OSBPL1A: variants seen among roughly 807,000 people sequenced by gnomAD.
OSBPL1A encodes oxysterol-binding protein-related protein 1.
OSBPL1A carries 80 observed loss-of-function variants against 137.1 expected under a neutral mutation model. The ratio of observed to expected loss-of-function variants is 0.58; its 90% CI spans 0.49 to 0.70. OSBPL1A has a LOEUF of 0.70. OSBPL1A is among the 30% of genes least tolerant of loss of function. The pLI is 0.00. For missense variants in OSBPL1A, 970 were observed against 1,129.4 expected, an observed-to-expected ratio of 0.86 and a Z score of 2.02; for synonymous variants, 365 against 389.7, an observed-to-expected ratio of 0.94 and a Z score of 0.75.
At chr18:24,188,710 C>T (rs1055079314) in intron 18 of OSBPL1A, among the ~76,000 whole-genome samples, 8 of 152,258 alleles carry the variant, frequency 5.3e-5, no homozygotes, top group Non-Finnish European at 1.2e-4. Context: ...AACTTACTTG[C>T]AATTGTATTG....
chr18:24,291,018 C>A (rs935072700), intron 14 of OSBPL1A, among the ~76,000 whole-genome samples: 2 of 152,114 alleles, frequency 1.3e-5, no homozygotes, highest in Admixed American at 6.5e-5. Context: ...AACAGCGACA[C>A]ACACAAAACT....
At position 24,167,362 on chromosome 18, in the gene OSBPL1A, C is replaced by T; in HGVS notation, c.2502G>A (p.Trp834Ter). 6.2e-7 allele frequency: 1 copy of T among 1,614,194 alleles called. No homozygotes were observed. Among genetic ancestry groups the T allele is most frequent in the Non-Finnish European group, 8.5e-7 (1 of 1,180,036 alleles). Reference sequence around the variant, plus strand: ...AATTTGGAGGCCGTGGGGCTATTCGCCATAGAAGAACGCTTCCAGGGATAA... The same window carrying T: ...AATTTGGAGGCCGTGGGGCTATTCGTCATAGAAGAACGCTTCCAGGGATAA... ...VFIIPGSVLL[W>*]RIAPRPPNSA... The change falls in exon 25 of 28, where the codon TGG becomes TGA. Residue 834 changes from tryptophan (W) to a stop codon, truncating the protein, a stop_gained. Coordinates refer to ENST00000319481, the MANE Select transcript of OSBPL1A (RefSeq NM_080597.4). LOFTEE classifies it high-confidence loss of function.
At chr18:24,392,179 T>C (rs1238074000) in intron 1 of OSBPL1A, among the ~76,000 whole-genome samples, 1 of 151,596 alleles carries the variant, frequency 6.6e-6, no homozygotes, top group Non-Finnish European at 1.5e-5. Flanking sequence ...TTTTTATTTT[T>C]GAGATGGAGT....
intron 4 of OSBPL1A, chr18:24,357,937 G>T (rs1269667780): frequency 3.2e-5 from 5 of 154,884 alleles, no homozygotes; most frequent in African/African-American, 1.2e-4. Flanking sequence ...CACACCTAAA[G>T]ATAATGCTCT....
chr18:24,275,864 A>T (rs2089834690), intron 15 of OSBPL1A, among the ~76,000 whole-genome samples: 1 of 151,910 alleles, frequency 6.6e-6, no homozygotes, highest in East Asian at 1.9e-4. Context: ...AGTAGCTGGG[A>T]TTACAAGTGC....
At chr18:24,307,054 C>T (rs533392031) in intron 13 of OSBPL1A, among the ~76,000 whole-genome samples, 4 of 149,036 alleles carry the variant, frequency 2.7e-5, no homozygotes, top group South Asian at 4.3e-4. Flanking sequence ...CCCAGCATTT[C>T]GAGACCTTCC....
chr18:24,328,216 GTATTTTTTT>G (rs2091014640), intron 7 of OSBPL1A, among the ~76,000 whole-genome samples: 1 of 47,576 alleles, frequency 2.1e-5, no homozygotes, highest in Non-Finnish European at 4.4e-5. Flanking sequence ...CTAATTTTTT[GTATTTTTTT>G]TTTTTTTTTT....
intron 21 of OSBPL1A, among the ~76,000 whole-genome samples, chr18:24,175,073 T>A (rs1423356121): frequency 7.0e-6 from 1 of 142,722 alleles, no homozygotes; most frequent in Admixed American, 7.1e-5. Flanking sequence ...GCCACTGCAA[T>A]CAGCTGACTT....
At chr18:24,256,993 G>GAAAAAAAAAAAAAAAAAA (rs1182823148) in intron 15 of OSBPL1A, among the ~76,000 whole-genome samples, 3 of 75,806 alleles carry the variant, frequency 4.0e-5, no homozygotes, top group African/African-American at 9.6e-5. Flanking sequence ...AAAAAAAAAG[G>GAAAAAAAAAAAAAAAAAA]AAAGATATTC....
intron 2 of OSBPL1A, among the ~76,000 whole-genome samples, chr18:24,369,882 C>T (rs1277622625): frequency 6.6e-6 from 1 of 152,170 alleles, no homozygotes; most frequent in African/African-American, 2.4e-5. Flanking sequence ...TCCCCCATCC[C>T]CCCTGTCCCT....
intron 17 of OSBPL1A, among the ~76,000 whole-genome samples, chr18:24,221,137 T>C (rs942060114): frequency 6.6e-6 from 1 of 152,238 alleles, no homozygotes; most frequent in African/African-American, 2.4e-5. Flanking sequence ...AATGTATTCA[T>C]GTTAAATAAT....
intron 12 of OSBPL1A, among the ~76,000 whole-genome samples, chr18:24,312,457 G>A (rs1288075086): frequency 1.3e-5 from 2 of 152,028 alleles, no homozygotes; most frequent in Non-Finnish European, 2.9e-5. Context: ...TAACCTAACA[G>A]AATAAGTTAC....
intron 14 of OSBPL1A, among the ~76,000 whole-genome samples, chr18:24,295,226 T>C (rs933918733): frequency 6.6e-6 from 1 of 152,204 alleles, no homozygotes; most frequent in Non-Finnish European, 1.5e-5. Flanking sequence ...TTGAGAAACA[T>C]CTATTCATGT....
chr18:24,167,065 T>C (rs954972013), intron 25 of OSBPL1A, among the ~76,000 whole-genome samples: 1 of 152,212 alleles, frequency 6.6e-6, no homozygotes, highest in Admixed American at 6.5e-5. Context: ...AGGACCAGTT[T>C]TACCGCTAAG....
At chr18:24,203,131 C>A (rs1375442466) in intron 17 of OSBPL1A, among the ~76,000 whole-genome samples, 2 of 152,192 alleles carry the variant, frequency 1.3e-5, no homozygotes, top group African/African-American at 4.8e-5. Flanking sequence ...GCATGCGCCA[C>A]CATGTCTGGC....
chr18:24,228,323 T>C (rs34310126), intron 16 of OSBPL1A, among the ~76,000 whole-genome samples: 1 of 145,178 alleles, frequency 6.9e-6, no homozygotes, highest in Non-Finnish European at 1.5e-5. Flanking sequence ...TCCTCCTCTA[T>C]ACTTTGCTCT....
At chr18:24,318,378 A>AGGTTGC (rs1205623067) in intron 9 of OSBPL1A, among the ~76,000 whole-genome samples, 5 of 152,086 alleles carry the variant, frequency 3.3e-5, no homozygotes, top group African/African-American at 1.2e-4. Context: ...CAGGTAGTGG[A>AGGTTGC]GGTTGCAGTG....
chr18:24,336,229 A>C (rs1364924155), intron 5 of OSBPL1A, among the ~76,000 whole-genome samples: 8 of 152,232 alleles, frequency 5.3e-5, no homozygotes, highest in Non-Finnish European at 1.2e-4. Context: ...TACGTGTTGA[A>C]TATTCAAATA....
chr18:24,332,622 G>C (rs1430593967), intron 7 of OSBPL1A, among the ~76,000 whole-genome samples: 1 of 150,026 alleles, frequency 6.7e-6, no homozygotes, highest in African/African-American at 2.4e-5. Context: ...AAAATGTTGT[G>C]ACCCAAGGCT....
Sources: gnomAD v4.1 joint callset for allele counts (sites outside exome capture counted in the v4.1 genomes callset) on GRCh38, gnomAD v4.1.1 for gene constraint, MANE v1.5 for transcripts, NCBI Gene and HGNC (gene_info 2026-07-23, HGNC 2026-07-21) for gene names.